ARID4B: variants seen among roughly 807,000 people sequenced by gnomAD.
The protein encoded by ARID4B is AT-rich interactive domain-containing protein 4B.
In ARID4B, 26 loss-of-function variants were observed where a neutral mutation model predicts 147.5. The ratio of observed to expected loss-of-function variants is 0.18; its 90% CI spans 0.13 to 0.24. The LOEUF (loss-of-function observed/expected upper bound fraction) is 0.24. ARID4B is among the 10% of genes least tolerant of loss of function. The pLI, the probability that ARID4B is intolerant of heterozygous loss-of-function variation, is 1.00. For synonymous variants in ARID4B, 512 were observed against 507.9 expected (o/e 1.01, Z -0.11); for missense variants, 1,179 against 1,511.5 (o/e 0.78, Z 3.65).
At chr1:235,210,587 TAAG>T (rs752407080) in intron 17 of ARID4B, among the ~76,000 whole-genome samples, 12 of 152,336 alleles carry the variant, frequency 7.9e-5, no homozygotes, top group Non-Finnish European at 1.8e-4. Context: ...ATGTTAACTC[TAAG>T]AAGATTAACT....
intron 2 of ARID4B, among the ~76,000 whole-genome samples, chr1:235,284,227 G>A (rs1671836742): frequency 6.6e-6 from 1 of 152,110 alleles, no homozygotes; most frequent in Non-Finnish European, 1.5e-5. Context: ...GGACGTGGTG[G>A]CAGGCACCTG....
rs1351650070 is a variant in ARID4B at position 235,169,229 on chromosome 1, C to A, written c.3812-577G>T. On this transcript the variant is annotated intron_variant, in intron 23 of 23. Coordinates refer to ENST00000264183, the MANE Select transcript of ARID4B (RefSeq NM_016374.6). The stretch of plus-strand genomic sequence containing the variant: ...GAAGTCTCTCACTGTTTCCTTTTTT[C>A]GTTTTTTTTTGTTTGTTTGTTTTTT... Among the ~76,000 whole-genome samples, 5 of 151,094 alleles carry A rather than the reference C, an allele frequency of 3.3e-5. No homozygotes were observed. The East Asian group carries it at 9.6e-4, about 29-fold the overall frequency.
intron 23 of ARID4B, among the ~76,000 whole-genome samples, chr1:235,170,177 C>T (rs1160582579): frequency 6.6e-6 from 1 of 152,098 alleles, no homozygotes; most frequent in Non-Finnish European, 1.5e-5. Context: ...ACCCCAGGGG[C>T]AAATCTGGCT....
chr1:235,257,301 T>C (rs1201000966), intron 3 of ARID4B, 76 bp from the exon 4 acceptor site: 14 of 963,824 alleles, frequency 1.5e-5, no homozygotes, highest in Non-Finnish European at 2.0e-5. Flanking sequence ...AATTATTCAT[T>C]TGTAGTAAAA....
At chr1:235,189,345 A>G (rs1331403290) in intron 19 of ARID4B, among the ~76,000 whole-genome samples, 6 of 137,644 alleles carry the variant, frequency 4.4e-5, no homozygotes, top group Non-Finnish European at 9.2e-5. Context: ...GATTGCAGTG[A>G]GCCGAGATCA....
chr1:235,318,009 T>C (rs1276216160), intron 2 of ARID4B, among the ~76,000 whole-genome samples: 2 of 152,006 alleles, frequency 1.3e-5, no homozygotes, highest in Non-Finnish European at 2.9e-5. Context: ...GCACAGAAAC[T>C]TACATACAAA....
At chr1:235,230,408 C>CA (rs1558226637) in intron 10 of ARID4B, among the ~76,000 whole-genome samples, 2 of 130,780 alleles carry the variant, frequency 1.5e-5, no homozygotes, top group South Asian at 3.0e-4. Context: ...GACTCCATCT[C>CA]AAAAAAACAA....
intron 2 of ARID4B, among the ~76,000 whole-genome samples, chr1:235,307,716 G>A (rs191871975): frequency 2.0e-5 from 3 of 152,298 alleles, no homozygotes; most frequent in Admixed American, 6.5e-5. Flanking sequence ...GGGCCACAGT[G>A]TTTCAACGCA....
Position 235,175,217 on chromosome 1 carries a change from A to G in ARID4B, c.3631T>C (p.Leu1211=), listed in dbSNP as rs776617258. The G allele has an allele frequency of 2.5e-6, 4 of 1,614,076 alleles. No homozygotes were observed. The African/African-American group carries it at 4.0e-5, about 16-fold the overall frequency. Residue 1211 remains leucine, a synonymous_variant, in exon 22 of 24, where the codon TTA becomes CTA. Transcript: ENST00000264183. Reference sequence around the variant, plus strand: ...AAACTCCATTTGTAAACTTTGGGTAATCGATTACTGGGTTCCTTGAGATCA... The same window carrying G: ...AAACTCCATTTGTAAACTTTGGGTAGTCGATTACTGGGTTCCTTGAGATCA... The part of the protein sequence containing the change: ...DPDLKEPSNR[L]PKVYKWSFQM...
intron 17 of ARID4B, 55 bp downstream of exon 17, chr1:235,213,714 A>G: frequency 2.0e-6 from 3 of 1,527,346 alleles, no homozygotes; most frequent in Non-Finnish European, 2.6e-6. Context: ...TTTTAAATAG[A>G]AAAGTATTTT....
At chr1:235,207,705 TTG>T (rs768770560) in intron 17 of ARID4B, among the ~76,000 whole-genome samples, 7 of 152,148 alleles carry the variant, frequency 4.6e-5, no homozygotes, top group Non-Finnish European at 7.3e-5. Context: ...CAACTTATGT[TTG>T]GAAAATAAAG....
chr1:235,175,649 T>C, intron 21 of ARID4B: 1 of 441,940 alleles, frequency 2.3e-6, no homozygotes, highest in Non-Finnish European at 4.1e-6. Context: ...TTATGCTTGG[T>C]AGACTGTCAA....
intron 2 of ARID4B, among the ~76,000 whole-genome samples, chr1:235,302,376 CAGA>C (rs902244851): frequency 6.6e-6 from 1 of 150,594 alleles, no homozygotes; most frequent in African/African-American, 2.4e-5. Flanking sequence ...GACAGAAAGA[CAGA>C]AAGAATTTAG....
chr1:235,172,740 G>A lies in ARID4B; in HGVS notation c.3689C>T (p.Ala1230Val). 4 of 1,570,988 alleles carry A rather than the reference G, an allele frequency of 2.5e-6. No homozygotes were observed. The highest frequency in any genetic ancestry group is 2.3e-5 in the East Asian group (1 of 43,654). ...QMSDLENMTS[A>V]ERITILQEKL... ...TTCTTGAAGAATTGTGATGCGTTCG[G>A]CACTTGTCATATTTTCCAGGTCCGC... Residue 1230 changes from alanine (A) to valine (V), a missense_variant, in exon 23 of 24, where the codon GCC becomes GTC. Physicochemically the swap from Ala to Val is moderately conservative, Grantham distance 64. This residue lies in a region of ARID4B where 357 missense variants were observed against 427.3 expected (regional missense o/e 0.84). Coordinates refer to ENST00000264183, the MANE Select transcript of ARID4B (RefSeq NM_016374.6).
chr1:235,302,179 A>AAAG (rs1673213147), intron 2 of ARID4B, among the ~76,000 whole-genome samples: 1 of 96,218 alleles, frequency 1.0e-5, no homozygotes, highest in Admixed American at 1.1e-4. Context: ...AAAAAAAAAC[A>AAAG]GCAAAAAAAA....
At chr1:235,184,688 C>A (rs1664554332) in intron 19 of ARID4B, among the ~76,000 whole-genome samples, 1 of 152,166 alleles carries the variant, frequency 6.6e-6, no homozygotes, top group Admixed American at 6.6e-5. Flanking sequence ...ACATATACAT[C>A]ATTAAAAACA....
intron 2 of ARID4B, among the ~76,000 whole-genome samples, chr1:235,302,055 A>C (rs1673185802): frequency 6.8e-6 from 1 of 147,518 alleles, no homozygotes; most frequent in African/African-American, 2.5e-5. Context: ...CCTGGTCTCA[A>C]ACTCCTAGGC....
intron 3 of ARID4B, 52 bp from the exon 4 acceptor site, chr1:235,257,277 C>T (rs1048738710): frequency 2.6e-6 from 3 of 1,134,578 alleles, no homozygotes; most frequent in African/African-American, 1.5e-5. Context: ...GCAACACAAG[C>T]TCATCAATGC....
intron 10 of ARID4B, among the ~76,000 whole-genome samples, chr1:235,230,617 C>CAA (rs1491112431): frequency 4.3e-5 from 5 of 115,228 alleles, no homozygotes; most frequent in African/African-American, 6.4e-5. Flanking sequence ...AAAAAAAAAA[C>CAA]CAGAAAAAAA....
Sources: allele counts gnomAD v4.1 joint callset (sites outside exome capture counted in the v4.1 genomes callset), GRCh38; gene constraint gnomAD v4.1.1; regional missense constraint gnomAD v4.1.1; transcripts MANE v1.5; gene names NCBI Gene and HGNC (gene_info 2026-07-23, HGNC 2026-07-21).